Variants in ARL15 observed in about 807,000 individuals in gnomAD.
ARL15 encodes ADP-ribosylation factor-like protein 15.
ARL15 carries 19 observed loss-of-function variants against 25.2 expected under a neutral mutation model. The ratio of observed to expected loss-of-function variants is 0.75; its 90% CI spans 0.53 to 1.10. ARL15 has a LOEUF of 1.10. ARL15 is among the 50% of genes least tolerant of loss of function. The pLI, the probability that ARL15 is intolerant of heterozygous loss-of-function variation, is 0.00. For synonymous variants in ARL15, 94 were observed against 86.8 expected (o/e 1.08, Z -0.46); for missense variants, 220 against 246.0 (o/e 0.89, Z 0.71).
At chr5:54,026,311 C>T (rs1749785128) in intron 4 of ARL15, among the ~76,000 whole-genome samples, 1 of 152,128 alleles carries the variant, frequency 6.6e-6, no homozygotes, top group African/African-American at 2.4e-5. Context: ...CTCTGTCACC[C>T]AGGCTAGAGT....
chr5:54,119,433 T>C (rs2112238232), intron 3 of ARL15, among the ~76,000 whole-genome samples: 1 of 152,256 alleles, frequency 6.6e-6, no homozygotes, highest in East Asian at 1.9e-4. Context: ...AAAAAACTCC[T>C]ATTGCTTATA....
At chr5:54,208,793 T>C (rs573839494) in intron 1 of ARL15, among the ~76,000 whole-genome samples, 46 of 152,282 alleles carry the variant, frequency 3.0e-4, no homozygotes, top group African/African-American at 9.9e-4. Context: ...CTCAACATGA[T>C]AATTCAGGGG....
intron 3 of ARL15, among the ~76,000 whole-genome samples, chr5:54,126,846 TA>T (rs527857996): frequency 3.8e-4 from 57 of 151,930 alleles, no homozygotes; most frequent in Non-Finnish European, 7.2e-4. Context: ...AATTTATTTT[TA>T]TTTTATTTTA....
intron 4 of ARL15, among the ~76,000 whole-genome samples, chr5:54,088,006 T>C (rs1752026611): frequency 6.6e-6 from 1 of 152,140 alleles, no homozygotes; most frequent in South Asian, 2.1e-4. Context: ...ATAACCAGGG[T>C]ACTGTATTTT....
chr5:54,050,412 T>A (rs572087865), intron 4 of ARL15, among the ~76,000 whole-genome samples: 1 of 152,350 alleles, frequency 6.6e-6, no homozygotes, highest in South Asian at 2.1e-4. Context: ...GTGCTGTCTT[T>A]TAAAATGTTC....
intron 3 of ARL15, among the ~76,000 whole-genome samples, chr5:54,153,200 A>G (rs1191579020): frequency 6.6e-6 from 1 of 152,242 alleles, no homozygotes; most frequent in Non-Finnish European, 1.5e-5. Flanking sequence ...AATAATCAGC[A>G]GAAGCCACAA....
chr5:54,200,253 C>A (rs1755678277), intron 1 of ARL15, among the ~76,000 whole-genome samples: 1 of 150,198 alleles, frequency 6.7e-6, no homozygotes, highest in African/African-American at 2.5e-5. Context: ...ATGTAAGTAA[C>A]CTGCACGTTG....
chr5:54,296,916 G>A (rs1758479816), intron 1 of ARL15, among the ~76,000 whole-genome samples: 1 of 152,238 alleles, frequency 6.6e-6, no homozygotes, highest in Non-Finnish European at 1.5e-5. Flanking sequence ...GGGTTGTATG[G>A]AAAGGCTGGA....
chr5:53,980,409 A>G (rs550545365), intron 4 of ARL15, among the ~76,000 whole-genome samples: 1 of 152,358 alleles, frequency 6.6e-6, no homozygotes, highest in African/African-American at 2.4e-5. Flanking sequence ...AGTGGCAAAC[A>G]TAAAATTTAC....
intron 1 of ARL15, among the ~76,000 whole-genome samples, chr5:54,230,346 G>GAAAAAAAA (rs137882615): frequency 1.1e-5 from 1 of 91,852 alleles, no homozygotes; most frequent in Admixed American, 1.3e-4. Flanking sequence ...TTCCATCTCA[G>GAAAAAAAA]AAAAAAAAAA....
chr5:54,224,314 TG>T (rs1756460150), intron 1 of ARL15, among the ~76,000 whole-genome samples: 1 of 152,024 alleles, frequency 6.6e-6, no homozygotes, highest in South Asian at 2.1e-4. Context: ...ACAAGGCAGA[TG>T]GCATCACAAC....
At chr5:54,292,003 C>T (rs529936014) in intron 1 of ARL15, among the ~76,000 whole-genome samples, 2 of 152,202 alleles carry the variant, frequency 1.3e-5, no homozygotes, top group South Asian at 2.1e-4. Context: ...TTGCTGAAGA[C>T]AAATAGCCCC....
chr5:54,078,030 T>C (rs1751668145), intron 4 of ARL15, among the ~76,000 whole-genome samples: 1 of 152,230 alleles, frequency 6.6e-6, no homozygotes, highest in Non-Finnish European at 1.5e-5. Flanking sequence ...AAAGTAATTA[T>C]TTCTTTCAAA....
At chr5:53,907,665 T>G (rs1745316528) in intron 4 of ARL15, among the ~76,000 whole-genome samples, 2 of 150,346 alleles carry the variant, frequency 1.3e-5, no homozygotes. Context: ...GCCCTGCTAA[T>G]TTTTGTATTT....
chr5:53,907,488 A>ATATATATAT (rs1360900279), intron 4 of ARL15, among the ~76,000 whole-genome samples: 1 of 18,012 alleles, frequency 5.6e-5, no homozygotes, highest in African/African-American at 2.9e-4. Flanking sequence ...ATATATATAT[A>ATATATATAT]TTTTTTTTTT....
At chr5:53,964,511 C>T (rs755789999) in intron 4 of ARL15, among the ~76,000 whole-genome samples, 2 of 152,222 alleles carry the variant, frequency 1.3e-5, no homozygotes, top group South Asian at 4.1e-4. Context: ...AGGCGCCCAC[C>T]ACCATGCCTG....
intron 3 of ARL15, among the ~76,000 whole-genome samples, chr5:54,141,544 G>A (rs1277392158): frequency 1.3e-5 from 2 of 152,064 alleles, no homozygotes; most frequent in African/African-American, 4.8e-5. Context: ...TTTTAGTGTG[G>A]TATAACTGAC....
At chr5:54,153,132 A>G (rs1754118579) in intron 3 of ARL15, among the ~76,000 whole-genome samples, 1 of 152,196 alleles carries the variant, frequency 6.6e-6, no homozygotes, top group Non-Finnish European at 1.5e-5. Context: ...CAAACCATGC[A>G]TTTACAATGT....
chr5:53,898,560 A>C (rs1223013097), intron 4 of ARL15, among the ~76,000 whole-genome samples: 1 of 152,120 alleles, frequency 6.6e-6, no homozygotes, highest in Non-Finnish European at 1.5e-5. Context: ...CATTTAATGT[A>C]GTTTATCTAG....
Sources: allele counts gnomAD v4.1 joint callset (sites outside exome capture counted in the v4.1 genomes callset), GRCh38; gene constraint gnomAD v4.1.1; transcripts MANE v1.5; gene names NCBI Gene and HGNC (gene_info 2026-07-23, HGNC 2026-07-21).